Variants in HSD11B1L observed in about 807,000 individuals in gnomAD.
The protein encoded by HSD11B1L is hydroxysteroid 11-beta-dehydrogenase 1-like protein.
Under a neutral mutation model 27.0 loss-of-function variants are expected in HSD11B1L, and 22 were observed. The observed-to-expected ratio is 0.81, with a 90% CI of 0.58 to 1.16. The LOEUF (loss-of-function observed/expected upper bound fraction) is 1.16. Among genes scored for constraint, HSD11B1L ranks in the 50% most tolerant of loss-of-function variants. HSD11B1L has a pLI of 0.00. For missense variants in HSD11B1L, 372 were observed against 401.8 expected (o/e 0.93, Z 0.63); for synonymous variants, 187 against 189.2 (o/e 0.99, Z 0.09).
chr19:5,684,662 G>T, intron 1 of HSD11B1L, 157 bp from the exon 2 acceptor site: 1 of 1,205,926 alleles, frequency 8.3e-7, no homozygotes, highest in Non-Finnish European at 1.1e-6. Context: ...AGCCGCGGTG[G>T]TTCATGGAGC....
At chr19:5,681,455 GTCTATCCATCTGGCCATCCACCCA>G (rs1313149852) in intron 1 of HSD11B1L, among the ~76,000 whole-genome samples, 184 bp downstream of exon 1, 1 of 151,760 alleles carries the variant, frequency 6.6e-6, no homozygotes. Flanking sequence ...TCCCCCACCC[GTCTATCCATCTGGCCATCCACCCA>G]TCTATCCTTC....
intron 1 of HSD11B1L, chr19:5,683,989 T>C: frequency 2.3e-6 from 1 of 439,374 alleles, no homozygotes; most frequent in Non-Finnish European, 4.1e-6. Context: ...TGTTTGTTTG[T>C]TTTTGATACG....
intron 1 of HSD11B1L, among the ~76,000 whole-genome samples, chr19:5,684,530 A>G (rs1005434410): frequency 6.6e-6 from 1 of 152,014 alleles, no homozygotes; most frequent in Non-Finnish European, 1.5e-5. Flanking sequence ...TGTAGCCACC[A>G]AGGAGTCTGG....
At position 5,688,033 on chromosome 19, in the gene HSD11B1L, G is replaced by C. The variant is rs2054757030; in HGVS notation, c.*88G>C. ...CCAGAACACTCACAGAGACACCCCT[G>C]AGAGGGTGGCCACAGCCCAAGATGA... On this transcript the variant is annotated 3_prime_UTR_variant, in exon 8 of 8. Transcript: ENST00000339423. 1 of 1,551,580 alleles carries C rather than the reference G, an allele frequency of 6.4e-7. No individual in the cohort carries two copies. Among genetic ancestry groups the C allele is most frequent in the African/African-American group, 1.4e-5 (1 of 73,188 alleles).
Position 5,685,989 on chromosome 19 carries a change from T to G in HSD11B1L, c.205-427T>G, listed in dbSNP as rs1300173417. 6.6e-6 allele frequency among the ~76,000 whole-genome samples: 1 copy of G among 152,178 alleles called. No homozygotes were observed. ...GACGGTGACTAGAAGATGCAGTGTT[T>G]CTTAACAAATGAGAGTATTGAGTGT... On this transcript the variant is annotated intron_variant, in intron 3 of 7. Transcript: ENST00000339423. The surrounding 1 kb of genome is among the most constrained non-coding windows in gnomAD (Gnocchi z 4.3).
At position 5,687,116 on chromosome 19, in the gene HSD11B1L, C is replaced by A. The variant is rs1247475755; in HGVS notation, c.408+125C>A. On this transcript the variant is annotated intron_variant, in intron 5 of 7. Transcript: ENST00000339423. The surrounding 1 kb of genome is among the most constrained non-coding windows in gnomAD (Gnocchi z 6.6). ...TCCACCCGTCCCGCCCCAGCCACGC[C>A]CCTCCTAGCCCAAGCCCCTGCTCCG... 1 of 1,116,798 alleles carries A rather than the reference C, an allele frequency of 9.0e-7. No individual in the cohort carries two copies. Among genetic ancestry groups the A allele is most frequent in the Admixed American group, 2.2e-5 (1 of 46,088 alleles). 69.2% of individuals were successfully genotyped at this position (1,116,798 alleles called of 1,614,324 possible).
At position 5,687,592 on chromosome 19, in the gene HSD11B1L, G is replaced by A; in HGVS notation, c.592G>A (p.Val198Met). 6.3e-7 allele frequency: 1 copy of A among 1,598,232 alleles called. No homozygotes were observed. Residue 198 changes from valine to methionine, a missense_variant, in exon 7 of 8, where the codon GTG becomes ATG. Coordinates refer to ENST00000339423, the MANE Select transcript of HSD11B1L (RefSeq NM_198706.3). This position sits in a 1 kb window ranked among gnomAD's most constrained non-coding sequence, Gnocchi z 6.6. ...FFGSLRRELD[V>M]QDVNVAITMC... is the part of the protein sequence containing the mutation. The stretch of plus-strand genomic sequence containing the variant: ...CGGCTCCCTGCGGCGGGAGCTGGAC[G>A]TGCAGGACGTGAACGTGGCCATCAC...
chr19:5,684,759 A>T, intron 1 of HSD11B1L, 60 bp from the exon 2 acceptor site: 1 of 1,608,918 alleles, frequency 6.2e-7, no homozygotes, highest in Non-Finnish European at 8.5e-7. Context: ...ACACCCACCA[A>T]ACACGGGTGG....
chr19:5,683,709 T>G lies in HSD11B1L; in HGVS notation c.-14-1110T>G, dbSNP rs114918405. Among the ~76,000 whole-genome samples, 433 of 151,944 alleles carry G rather than the reference T, an allele frequency of 2.8e-3. 3 individuals are homozygous for G. Among genetic ancestry groups the G allele is most frequent in the African/African-American group, 9.7e-3 (403 of 41,436 alleles). Reference sequence around the variant, plus strand: ...GAGTTCAAAATCAGCCTGGGCAGCATAGTGAGACCCCATCCCTACAAAAAA... The same window carrying G: ...GAGTTCAAAATCAGCCTGGGCAGCAGAGTGAGACCCCATCCCTACAAAAAA... On this transcript the variant is annotated intron_variant, in intron 1 of 7. Transcript: ENST00000339423.
intron 1 of HSD11B1L, among the ~76,000 whole-genome samples, chr19:5,682,076 C>A (rs1489299816): frequency 2.6e-5 from 4 of 152,192 alleles, no homozygotes; most frequent in Admixed American, 6.5e-5. Context: ...ATTTTGAGAA[C>A]TGAACGATTC....
chr19:5,687,807 C>T lies in HSD11B1L; in HGVS notation c.723C>T (p.Ile241=). The change falls in exon 8 of 8, where the codon ATC becomes ATT. Residue 241 remains isoleucine (I), a synonymous_variant. Coordinates refer to ENST00000339423, the MANE Select transcript of HSD11B1L (RefSeq NM_198706.3). This position sits in a 1 kb window ranked among gnomAD's most constrained non-coding sequence, Gnocchi z 6.6. ...APGPKAALAV[I]RGGATRAAGV... ...GGCCCAAGGCAGCCCTGGCCGTGAT[C>T]CGCGGCGGCGCCACGCGCGCGGCCG... The T allele has an allele frequency of 6.6e-7, 1 of 1,523,104 alleles. No homozygotes were observed. The highest frequency in any genetic ancestry group is 8.8e-7 in the Non-Finnish European group (1 of 1,139,134). 94.3% of individuals were successfully genotyped at this position (1,523,104 alleles called of 1,614,324 possible).
At chr19:5,684,640 G>A (rs906513223) in intron 1 of HSD11B1L, 179 bp from the exon 2 acceptor site, 21 of 821,538 alleles carry the variant, frequency 2.6e-5, no homozygotes, top group Non-Finnish European at 3.5e-5. Flanking sequence ...GTGCAGGTGC[G>A]GTGGTTCATG....
At chr19:5,684,529 C>T (rs1428132613) in intron 1 of HSD11B1L, among the ~76,000 whole-genome samples, 1 of 151,978 alleles carries the variant, frequency 6.6e-6, no homozygotes, top group African/African-American at 2.4e-5. Context: ...TTGTAGCCAC[C>T]AAGGAGTCTG....
Position 5,687,535 on chromosome 19 carries a change from T to C in HSD11B1L, c.535T>C (p.Ser179Pro). The change falls in exon 7 of 8, where the codon TCG becomes CCG. Residue 179 changes from serine (S) to proline (P), a missense_variant. Ser to Pro is a moderately conservative substitution (Grantham distance 74). Coordinates refer to ENST00000339423, the MANE Select transcript of HSD11B1L (RefSeq NM_198706.3). The surrounding 1 kb of genome is among the most constrained non-coding windows in gnomAD (Gnocchi z 6.6). ...GCCCACGTCGTTCTCCACTCCCTACTCGGCGGCCAAGTTTGCGCTGGACGG... is the reference window on the plus strand; with the variant it reads ...GCCCACGTCGTTCTCCACTCCCTACCCGGCGGCCAAGTTTGCGCTGGACGG... ...RVPTSFSTPY[S>P]AAKFALDGFF... The C allele has an allele frequency of 6.3e-7, 1 of 1,599,714 alleles. No individual in the cohort carries two copies. The highest frequency in any genetic ancestry group is 8.5e-7 in the Non-Finnish European group (1 of 1,179,438).
Position 5,687,833 on chromosome 19 carries a change from G to T in HSD11B1L, c.749G>T (p.Gly250Val). The T allele has an allele frequency of 6.4e-7, 1 of 1,560,192 alleles. No individual in the cohort carries two copies. The highest frequency in any genetic ancestry group is 8.7e-7 in the Non-Finnish European group (1 of 1,154,626). ...VIRGGATRAAGVFYPWRFRLL... is the reference protein window; with the variant it reads ...VIRGGATRAAVVFYPWRFRLL... ...CGCGGCGGCGCCACGCGCGCGGCCG[G>T]CGTCTTCTACCCGTGGCGTTTCCGC... is the stretch of plus-strand genomic sequence containing the variant. Residue 250 changes from glycine (G) to valine (V), a missense_variant, in exon 8 of 8, where the codon GGC becomes GTC. Transcript: ENST00000339423. The surrounding 1 kb of genome is among the most constrained non-coding windows in gnomAD (Gnocchi z 6.6).
In HSD11B1L at chr19:5,684,812, T is replaced by A. The variant is rs762934945; in HGVS notation, c.-14-7T>A. The A allele has an allele frequency of 6.8e-6, 11 of 1,613,382 alleles. No individual in the cohort carries two copies. In the East Asian group the frequency reaches 2.5e-4, roughly 36 times the overall value. On this transcript the variant is annotated splice_polypyrimidine_tract_variant and splice_region_variant and intron_variant, in intron 1 of 7. Transcript: ENST00000339423. ...GCCGGCCACCTCTGTCCCCTGTCCC[T>A]CTGCAGGCCCACACAGGACCATGAA...
At position 5,685,062 on chromosome 19, in the gene HSD11B1L, C is replaced by T. The variant is rs1022499901; in HGVS notation, c.147C>T (p.Tyr49=). The change falls in exon 3 of 8, where the codon TAC becomes TAT. Residue 49 remains tyrosine (Y), a synonymous_variant. Transcript: ENST00000339423. This position sits in a 1 kb window ranked among gnomAD's most constrained non-coding sequence, Gnocchi z 4.3. ...AGVGEELAYH[Y]ARLGSHLVLT... is the part of the protein sequence containing the mutation. The stretch of plus-strand genomic sequence containing the variant: ...TTGGTGAGGAGCTGGCCTATCACTA[C>T]GCGCGTCTGGGCTCCCACCTGGTGC... 2.6e-5 allele frequency: 41 copies of T among 1,556,614 alleles called. No individual in the cohort carries two copies. In the East Asian group the frequency reaches 2.7e-4, roughly 10 times the overall value.
In HSD11B1L at chr19:5,687,434, G is replaced by C. The variant is rs1396999129; in HGVS notation, c.502+59G>C. 4.4e-6 allele frequency: 7 copies of C among 1,599,420 alleles called. No individual in the cohort carries two copies. The East Asian group carries it at 6.7e-5, about 15-fold the overall frequency. ...GGAGTGGGGAGCTCGATGCGGGTGAGCCTGGAGGGTCTGGGCAGGCTTCCC... is the reference window on the plus strand; with the variant it reads ...GGAGTGGGGAGCTCGATGCGGGTGACCCTGGAGGGTCTGGGCAGGCTTCCC... On this transcript the variant is annotated intron_variant, in intron 6 of 7. Coordinates refer to ENST00000339423, the MANE Select transcript of HSD11B1L (RefSeq NM_198706.3). The surrounding 1 kb of genome is among the most constrained non-coding windows in gnomAD (Gnocchi z 6.6).
At position 5,683,273 on chromosome 19, in the gene HSD11B1L, T is replaced by C. The variant is rs138994762; in HGVS notation, c.-14-1546T>C. Among the ~76,000 whole-genome samples, 462 of 150,946 alleles carry C rather than the reference T, an allele frequency of 3.1e-3. 2 individuals are homozygous for C. Among genetic ancestry groups the C allele is most frequent in the Middle Eastern group, 0.028 (8 of 284 alleles). On this transcript the variant is annotated intron_variant, in intron 1 of 7. Transcript: ENST00000339423. ...TCTTTCACCTTCTCCCTGGAATTAGTGAATCAGCTCCCATAGCTGAAATCA... is the reference window on the plus strand; with the variant it reads ...TCTTTCACCTTCTCCCTGGAATTAGCGAATCAGCTCCCATAGCTGAAATCA...
Sources: allele counts gnomAD v4.1 joint callset (sites outside exome capture counted in the v4.1 genomes callset), GRCh38; gene constraint gnomAD v4.1.1; non-coding constraint Gnocchi (gnomAD v3.1); transcripts MANE v1.5; gene names NCBI Gene and HGNC (gene_info 2026-07-23, HGNC 2026-07-21).